The following RBFOX1 variants were observed in gnomAD, a reference collection of about 807,000 sequenced individuals.
RBFOX1 encodes the protein RNA binding protein fox-1 homolog 1.
A neutral mutation model predicts 57.7 loss-of-function variants in RBFOX1; 8 were observed. That is an observed-to-expected ratio of 0.14 (90% CI 0.08 to 0.25). The LOEUF is 0.25. RBFOX1 is among the 10% of genes least tolerant of loss of function. RBFOX1 has a pLI of 1.00. For synonymous variants in RBFOX1, 326 were observed against 222.4 expected (o/e 1.47, Z -4.15); for missense variants, 611 against 548.5 (o/e 1.11, Z -1.14).
chr16:6,019,684 C>T lies in RBFOX1; in HGVS notation c.-435C>T. The T allele has an allele frequency of 7.5e-7, 1 of 1,337,476 alleles. No homozygotes were observed. The highest frequency in any genetic ancestry group is 9.6e-7 in the Non-Finnish European group (1 of 1,044,310). 82.9% of individuals were successfully genotyped at this position (1,337,476 alleles called of 1,614,324 possible). ...CCCCGGCGTCCGGAGCAGGAGAACT[C>T]CGAGCTTCTTGCCCAGGCAGAGAGA... is the stretch of plus-strand genomic sequence containing the variant. On this transcript the variant is annotated 5_prime_UTR_variant, in exon 1 of 16. Transcript: ENST00000550418. This position sits in a 1 kb window ranked among gnomAD's most constrained non-coding sequence, Gnocchi z 4.2.
At chr16:6,842,331 T>C (rs1056436064) in intron 3 of RBFOX1, among the ~76,000 whole-genome samples, 1 of 152,080 alleles carries the variant, frequency 6.6e-6, no homozygotes, top group Non-Finnish European at 1.5e-5. Flanking sequence ...AAACAACACA[T>C]ACACATCTTT....
At chr16:6,070,560 C>G (rs1255909966) in intron 1 of RBFOX1, among the ~76,000 whole-genome samples, 1 of 152,096 alleles carries the variant, frequency 6.6e-6, no homozygotes, top group Non-Finnish European at 1.5e-5. Flanking sequence ...CAGAAAGTAA[C>G]ACAGAATGAT....
chr16:7,194,994 G>C (rs1370798300), intron 4 of RBFOX1, among the ~76,000 whole-genome samples: 3 of 151,062 alleles, frequency 2.0e-5, no homozygotes, highest in Non-Finnish European at 4.4e-5. Flanking sequence ...TTTTATCGAG[G>C]TTAATAAAAT....
chr16:5,677,037 A>C (rs916208619), intron 3 of RBFOX1, among the ~76,000 whole-genome samples: 1 of 152,220 alleles, frequency 6.6e-6, no homozygotes, highest in African/African-American at 2.4e-5. Flanking sequence ...TTAGAAAATC[A>C]ACTAAAACCG....
At chr16:5,413,110 C>T (rs990103051) in intron 1 of RBFOX1, among the ~76,000 whole-genome samples, 17 of 152,126 alleles carry the variant, frequency 1.1e-4, no homozygotes, top group African/African-American at 1.9e-4. Context: ...ACGATGCTTA[C>T]GGTTTCTTTA....
intron 3 of RBFOX1, among the ~76,000 whole-genome samples, chr16:7,021,057 G>C (rs757922926): frequency 6.6e-6 from 1 of 152,152 alleles, no homozygotes; most frequent in Non-Finnish European, 1.5e-5. Context: ...GAACCTGGGA[G>C]GCAGAGGCTG....
intron 4 of RBFOX1, among the ~76,000 whole-genome samples, chr16:7,101,625 T>C (rs542721592): frequency 2.6e-5 from 4 of 152,290 alleles, no homozygotes; most frequent in African/African-American, 9.6e-5. Flanking sequence ...GAAAGGTTAC[T>C]AGCAGGTTAT....
At chr16:7,305,560 A>T (rs2096160701) in intron 4 of RBFOX1, among the ~76,000 whole-genome samples, 1 of 152,220 alleles carries the variant, frequency 6.6e-6, no homozygotes, top group Admixed American at 6.5e-5. Flanking sequence ...ATTTGTTAAC[A>T]TGAGTGTGTG....
intron 4 of RBFOX1, among the ~76,000 whole-genome samples, chr16:7,425,241 G>C (rs559439245): frequency 6.6e-6 from 1 of 152,176 alleles, no homozygotes; most frequent in South Asian, 2.1e-4. Flanking sequence ...TACAGCATGC[G>C]GATTTACAAC....
chr16:6,638,825 GT>G, intron 2 of RBFOX1, among the ~76,000 whole-genome samples: 1 of 152,300 alleles, frequency 6.6e-6, no homozygotes, highest in East Asian at 1.9e-4. Flanking sequence ...GGTCTTGTCA[GT>G]TACTTAAGGC....
At chr16:6,352,251 A>G (rs1308547635) in intron 2 of RBFOX1, among the ~76,000 whole-genome samples, 1 of 152,102 alleles carries the variant, frequency 6.6e-6, no homozygotes, top group Non-Finnish European at 1.5e-5. Flanking sequence ...TGTTTCCTCC[A>G]TCTAGTTTAT....
chr16:5,572,126 A>C (rs2046304221), intron 2 of RBFOX1, among the ~76,000 whole-genome samples: 1 of 152,166 alleles, frequency 6.6e-6, no homozygotes, highest in South Asian at 2.1e-4. Flanking sequence ...ATGATTTGTT[A>C]GGAATGGAAT....
At chr16:7,106,454 G>C (rs1270337547) in intron 4 of RBFOX1, among the ~76,000 whole-genome samples, 1 of 152,008 alleles carries the variant, frequency 6.6e-6, no homozygotes, top group East Asian at 1.9e-4. Flanking sequence ...AAACACCCTT[G>C]GGATTGTAAG....
intron 1 of RBFOX1, among the ~76,000 whole-genome samples, chr16:6,258,240 A>G (rs1209188533): frequency 6.6e-6 from 1 of 152,202 alleles, no homozygotes; most frequent in Non-Finnish European, 1.5e-5. Context: ...TGCTGATGCA[A>G]CTGTGCTCTT....
intron 1 of RBFOX1, among the ~76,000 whole-genome samples, chr16:5,375,763 G>C (rs1467888887): frequency 6.6e-6 from 1 of 152,238 alleles, no homozygotes; most frequent in African/African-American, 2.4e-5. Context: ...CCTGCCAGCT[G>C]CAGTGCGTTC....
intron 4 of RBFOX1, among the ~76,000 whole-genome samples, chr16:7,335,660 C>G (rs1210406629): frequency 6.6e-6 from 1 of 151,402 alleles, no homozygotes; most frequent in Non-Finnish European, 1.5e-5. Context: ...ACGGCATCCA[C>G]CTAATCCTGC....
At chr16:7,454,525 C>T (rs954457093) in intron 4 of RBFOX1, among the ~76,000 whole-genome samples, 1 of 152,086 alleles carries the variant, frequency 6.6e-6, no homozygotes, top group African/African-American at 2.4e-5. Context: ...TCCAGAATTC[C>T]CATGCATGTG....
intron 3 of RBFOX1, among the ~76,000 whole-genome samples, chr16:5,793,658 A>C (rs900609507): frequency 2.0e-5 from 3 of 152,200 alleles, no homozygotes; most frequent in Non-Finnish European, 4.4e-5. Context: ...CGGTACTTGC[A>C]GGGGATGCTG....
intron 3 of RBFOX1, among the ~76,000 whole-genome samples, chr16:6,852,112 T>C (rs558706201): frequency 1.3e-5 from 2 of 151,998 alleles, no homozygotes; most frequent in Non-Finnish European, 2.9e-5. Context: ...TGGCTTAAAA[T>C]GATATAAATT....
Sources: gnomAD v4.1 joint callset for allele counts (sites outside exome capture counted in the v4.1 genomes callset) on GRCh38, gnomAD v4.1.1 for gene constraint, Gnocchi (gnomAD v3.1) non-coding constraint, MANE v1.5 for transcripts, NCBI Gene and HGNC (gene_info 2026-07-23, HGNC 2026-07-21) for gene names.